TBL1XR1: variants seen among roughly 807,000 people sequenced by gnomAD.
TBL1XR1 encodes F-box-like/WD repeat-containing protein TBL1XR1.
Under a neutral mutation model 66.9 loss-of-function variants are expected in TBL1XR1, and 5 were observed. That is an observed-to-expected ratio of 0.07 (90% CI 0.04 to 0.16). TBL1XR1 has a LOEUF of 0.16. Among genes scored for constraint, TBL1XR1 ranks in the 10% least tolerant of loss-of-function variants. The pLI is 1.00. For missense variants in TBL1XR1, 238 were observed against 623.2 expected (o/e 0.38, Z 6.58); for synonymous variants, 210 against 206.0 (o/e 1.02, Z -0.17).
intron 1 of TBL1XR1, among the ~76,000 whole-genome samples, chr3:177,151,258 G>A (rs1439014879): frequency 1.3e-5 from 2 of 152,164 alleles, no homozygotes; most frequent in African/African-American, 4.8e-5. Flanking sequence ...AAGTATTTAT[G>A]TTTCAGTATA....
At chr3:177,182,636 C>G (rs1167060994) in intron 1 of TBL1XR1, among the ~76,000 whole-genome samples, 2 of 152,058 alleles carry the variant, frequency 1.3e-5, no homozygotes, top group African/African-American at 4.8e-5. Context: ...GACCTGTTTT[C>G]AAGGAAGGAT....
intron 1 of TBL1XR1, among the ~76,000 whole-genome samples, chr3:177,148,129 G>C (rs1216623792): frequency 6.6e-6 from 1 of 152,138 alleles, no homozygotes; most frequent in East Asian, 1.9e-4. Context: ...TCAATTTTAG[G>C]ATCTAAATAA....
At chr3:177,148,938 A>G (rs1000475476) in intron 1 of TBL1XR1, among the ~76,000 whole-genome samples, 1 of 150,518 alleles carries the variant, frequency 6.6e-6, no homozygotes, top group African/African-American at 2.4e-5. Context: ...CAGGAGGCAG[A>G]GGTTGTGGTG....
intron 1 of TBL1XR1, among the ~76,000 whole-genome samples, chr3:177,189,390 G>A (rs1735834524): frequency 2.0e-5 from 3 of 151,768 alleles, no homozygotes; most frequent in African/African-American, 4.8e-5. Context: ...GGTGGTACAC[G>A]CCTGTTAGTC....
chr3:177,137,934 T>C (rs1238243979), intron 1 of TBL1XR1, among the ~76,000 whole-genome samples: 1 of 152,192 alleles, frequency 6.6e-6, no homozygotes, highest in African/African-American at 2.4e-5. Context: ...CATACCACTG[T>C]ACTCCAAACT....
intron 7 of TBL1XR1, among the ~76,000 whole-genome samples, chr3:177,049,790 G>A (rs1485319399): frequency 1.3e-5 from 2 of 152,182 alleles, no homozygotes; most frequent in East Asian, 3.9e-4. Flanking sequence ...ATACACTGAA[G>A]AGCTGGATGT....
At chr3:177,105,800 G>A (rs1055816885) in intron 1 of TBL1XR1, among the ~76,000 whole-genome samples, 2 of 152,082 alleles carry the variant, frequency 1.3e-5, no homozygotes, top group African/African-American at 4.8e-5. Flanking sequence ...GGGTGTGTGT[G>A]TGCATGTGTG....
intron 10 of TBL1XR1, among the ~76,000 whole-genome samples, chr3:177,039,723 G>T (rs936197192): frequency 4.6e-5 from 7 of 152,202 alleles, no homozygotes; most frequent in African/African-American, 7.2e-5. Flanking sequence ...TAAAGCAGGG[G>T]TTGACAAACT....
chr3:177,103,546 G>C (rs1052990391), intron 1 of TBL1XR1, among the ~76,000 whole-genome samples: 4 of 152,024 alleles, frequency 2.6e-5, no homozygotes, highest in African/African-American at 9.7e-5. Flanking sequence ...TTTTTAACAT[G>C]GAAAAATTCT....
At chr3:177,045,378 C>G (rs1380508120) in intron 10 of TBL1XR1, among the ~76,000 whole-genome samples, 1 of 152,112 alleles carries the variant, frequency 6.6e-6, no homozygotes, top group East Asian at 1.9e-4. Flanking sequence ...AGTCGGGAAA[C>G]TCACTGAAAA....
At chr3:177,168,918 T>C (rs1440891557) in intron 1 of TBL1XR1, among the ~76,000 whole-genome samples, 1 of 152,192 alleles carries the variant, frequency 6.6e-6, no homozygotes, top group Admixed American at 6.5e-5. Context: ...GGGAAACAAA[T>C]GTTGACTTAC....
In TBL1XR1 at chr3:177,182,791, T is replaced by C. The variant is rs573232532; in HGVS notation, c.-122+14330A>G. On this transcript the variant is annotated intron_variant, in intron 1 of 15. Coordinates refer to ENST00000457928, the MANE Select transcript of TBL1XR1 (RefSeq NM_024665.7). ...GCCTAATGCTTAATCTTCAATCAAA[T>C]AGTGTAACTTCATGCAGGCAACATG... Among the ~76,000 whole-genome samples, 29 of 152,310 alleles carry C rather than the reference T, an allele frequency of 1.9e-4. No individual in the cohort carries two copies. The South Asian group carries it at 4.8e-3, about 25-fold the overall frequency.
intron 12 of TBL1XR1, among the ~76,000 whole-genome samples, chr3:177,034,840 A>ATAAGCCT (rs2108417481): frequency 6.6e-6 from 1 of 152,320 alleles, no homozygotes; most frequent in Admixed American, 6.5e-5. Flanking sequence ...AAAGTAGAGA[A>ATAAGCCT]TAAGCCTTTC....
chr3:177,180,373 C>T (rs1165768049), intron 1 of TBL1XR1, among the ~76,000 whole-genome samples: 1 of 5,422 alleles, frequency 1.8e-4, no homozygotes, highest in Non-Finnish European at 3.2e-4. Flanking sequence ...TACGTTCATT[C>T]CCCCCCCCCC....
intron 12 of TBL1XR1, 130 bp from the exon 13 acceptor site, chr3:177,034,455 A>G (rs1029547267): frequency 8.9e-6 from 5 of 559,212 alleles, no homozygotes; most frequent in Non-Finnish European, 1.4e-5. Context: ...TGATGATAGA[A>G]TATTTACAAA....
intron 2 of TBL1XR1, among the ~76,000 whole-genome samples, chr3:177,083,759 G>A (rs1398275659): frequency 6.6e-6 from 1 of 151,894 alleles, no homozygotes; most frequent in Non-Finnish European, 1.5e-5. Flanking sequence ...TGCCCATCAA[G>A]TAATGGTTTT....
chr3:177,124,702 ATC>A (rs1400533605), intron 1 of TBL1XR1, among the ~76,000 whole-genome samples: 1 of 152,138 alleles, frequency 6.6e-6, no homozygotes, highest in African/African-American at 2.4e-5. Flanking sequence ...AACTCACGGC[ATC>A]TTTTTCTTCA....
intron 1 of TBL1XR1, chr3:177,196,322 G>C (rs940396293): frequency 6.6e-6 from 1 of 152,032 alleles, no homozygotes; most frequent in Admixed American, 6.6e-5. Flanking sequence ...ACGTGACTCT[G>C]TGCCACCCAA....
At chr3:177,152,880 T>C (rs1324592704) in intron 1 of TBL1XR1, among the ~76,000 whole-genome samples, 1 of 152,152 alleles carries the variant, frequency 6.6e-6, no homozygotes, top group Non-Finnish European at 1.5e-5. Flanking sequence ...ACATTCCTAT[T>C]AAGCTGGTGC....
Sources: allele counts gnomAD v4.1 joint callset (sites outside exome capture counted in the v4.1 genomes callset), GRCh38; gene constraint gnomAD v4.1.1; transcripts MANE v1.5; gene names NCBI Gene and HGNC (gene_info 2026-07-23, HGNC 2026-07-21).